Variants in DLG2 observed in about 807,000 individuals in gnomAD.
DLG2 encodes disks large homolog 2.
Under a neutral mutation model 132.5 loss-of-function variants are expected in DLG2, and 45 were observed. The observed-to-expected ratio is 0.34, with a 90% confidence interval of 0.27 to 0.44. The LOEUF is 0.44. Ranked by LOEUF, DLG2 falls within the 20% of genes least tolerant of loss-of-function variation. The pLI, the probability that DLG2 is intolerant of heterozygous loss-of-function variation, is 1.00. For synonymous variants in DLG2, 424 were observed against 419.6 expected (o/e 1.01, Z -0.13); for missense variants, 1,045 against 1,196.9 (o/e 0.87, Z 1.87).
At chr11:85,530,694 C>A (rs1448236210) in intron 3 of DLG2, among the ~76,000 whole-genome samples, 1 of 152,144 alleles carries the variant, frequency 6.6e-6, no homozygotes, top group Non-Finnish European at 1.5e-5. Context: ...GTATTCTGCA[C>A]CCCAGGTACT....
At chr11:84,138,707 G>A (rs564212270) in intron 9 of DLG2, among the ~76,000 whole-genome samples, 62 of 152,236 alleles carry the variant, frequency 4.1e-4, no homozygotes, top group Non-Finnish European at 6.5e-4. Flanking sequence ...CCAGAACTTC[G>A]GGAGTCTGGG....
intron 6 of DLG2, among the ~76,000 whole-genome samples, chr11:84,630,137 C>T (rs1445830949): frequency 6.6e-6 from 1 of 152,110 alleles, no homozygotes; most frequent in Admixed American, 6.6e-5. Flanking sequence ...CAACCCTTTC[C>T]CTTACTGACC....
intron 7 of DLG2, among the ~76,000 whole-genome samples, chr11:84,478,142 G>C (rs1293069423): frequency 6.6e-6 from 1 of 152,090 alleles, no homozygotes; most frequent in Non-Finnish European, 1.5e-5. Context: ...ACTGTTAACA[G>C]TGCATTGTTC....
At chr11:85,528,985 T>C (rs2074996087) in intron 3 of DLG2, among the ~76,000 whole-genome samples, 1 of 152,226 alleles carries the variant, frequency 6.6e-6, no homozygotes, top group Admixed American at 6.5e-5. Flanking sequence ...TAACATGAAA[T>C]ACTATACAGC....
chr11:84,044,856 A>G (rs1339993708), intron 11 of DLG2, among the ~76,000 whole-genome samples: 1 of 151,734 alleles, frequency 6.6e-6, no homozygotes, highest in East Asian at 1.9e-4. Flanking sequence ...AATCACCCGT[A>G]CAATCTCAGG....
chr11:84,732,802 C>T (rs569048079), intron 6 of DLG2, among the ~76,000 whole-genome samples: 11 of 151,218 alleles, frequency 7.3e-5, no homozygotes, highest in African/African-American at 2.7e-4. Context: ...CCACCCACCC[C>T]ACAACAGGCC....
At chr11:83,583,630 T>C (rs775325074) in intron 19 of DLG2, among the ~76,000 whole-genome samples, 1 of 152,178 alleles carries the variant, frequency 6.6e-6, no homozygotes, top group Non-Finnish European at 1.5e-5. Context: ...CTTAAATGAG[T>C]CAACTGATAC....
At chr11:84,655,185 C>A (rs1402399036) in intron 6 of DLG2, among the ~76,000 whole-genome samples, 1 of 152,106 alleles carries the variant, frequency 6.6e-6, no homozygotes, top group Non-Finnish European at 1.5e-5. Flanking sequence ...GTTTGCAGGG[C>A]AATTTAACCA....
intron 15 of DLG2, among the ~76,000 whole-genome samples, chr11:83,895,396 G>A (rs1163322079): frequency 6.6e-6 from 1 of 152,048 alleles, no homozygotes; most frequent in African/African-American, 2.4e-5. Flanking sequence ...CTGACCTCAG[G>A]TGATCCGCCC....
At chr11:85,568,936 TC>T (rs1373415019) in intron 3 of DLG2, among the ~76,000 whole-genome samples, 1 of 152,188 alleles carries the variant, frequency 6.6e-6, no homozygotes, top group African/African-American at 2.4e-5. Flanking sequence ...ATTATTTCCT[TC>T]CCTGTTTGCT....
intron 21 of DLG2, among the ~76,000 whole-genome samples, chr11:83,509,573 T>G (rs2094902735): frequency 6.6e-6 from 1 of 152,294 alleles, no homozygotes; most frequent in South Asian, 2.1e-4. Context: ...CCATCTCTTA[T>G]GGTACTCCAT....
chr11:85,036,917 C>T (rs2061481349), intron 6 of DLG2, among the ~76,000 whole-genome samples: 1 of 152,148 alleles, frequency 6.6e-6, no homozygotes, highest in African/African-American at 2.4e-5. Context: ...GAGAGAAAGA[C>T]TGCAATAATG....
chr11:83,465,959 A>G (rs904514300), intron 26 of DLG2, among the ~76,000 whole-genome samples: 1 of 152,190 alleles, frequency 6.6e-6, no homozygotes, highest in African/African-American at 2.4e-5. Context: ...GGAGTTGCCT[A>G]TACTGACTTT....
chr11:85,346,890 G>A (rs1200547163), intron 3 of DLG2, among the ~76,000 whole-genome samples: 1 of 152,070 alleles, frequency 6.6e-6, no homozygotes, highest in Non-Finnish European at 1.5e-5. Flanking sequence ...TGAGGGTCAG[G>A]ATTTGTAGAA....
intron 6 of DLG2, among the ~76,000 whole-genome samples, chr11:84,755,715 G>A (rs2066785639): frequency 1.3e-5 from 2 of 152,316 alleles, no homozygotes; most frequent in African/African-American, 4.8e-5. Context: ...GAGCTACCGC[G>A]CCTGGCCCAG....
At chr11:84,224,710 C>G (rs1869470) in intron 8 of DLG2, among the ~76,000 whole-genome samples, 100,076 of 152,054 alleles carry the variant, frequency 0.66, 34,152 homozygotes, top group Middle Eastern at 0.79. Flanking sequence ...TGGCTTGAGT[C>G]AATGCTCTTA....
chr11:84,238,092 A>C (rs577560767), intron 8 of DLG2, among the ~76,000 whole-genome samples: 115 of 151,456 alleles, frequency 7.6e-4, no homozygotes, highest in African/African-American at 2.5e-3. Flanking sequence ...AAAGAAAGAC[A>C]CTAGAGGGAA....
At chr11:85,166,651 A>T (rs899866808) in intron 4 of DLG2, among the ~76,000 whole-genome samples, 1 of 152,184 alleles carries the variant, frequency 6.6e-6, no homozygotes, top group Non-Finnish European at 1.5e-5. Context: ...ATATAAAAAA[A>T]AAGGAAAAAT....
chr11:84,394,010 C>T (rs1197111812), intron 7 of DLG2, among the ~76,000 whole-genome samples: 12 of 151,878 alleles, frequency 7.9e-5, no homozygotes, highest in Non-Finnish European at 1.2e-4. Context: ...CTCAGCCTCC[C>T]GAGTAGCTGT....
Sources: gnomAD v4.1 joint callset for allele counts (sites outside exome capture counted in the v4.1 genomes callset) on GRCh38, gnomAD v4.1.1 for gene constraint, MANE v1.5 for transcripts, NCBI Gene and HGNC (gene_info 2026-07-23, HGNC 2026-07-21) for gene names.